Variants in ALK observed in about 807,000 individuals in gnomAD.
ALK encodes ALK receptor tyrosine kinase, also known as ALK tyrosine kinase receptor.
In ALK, 74 loss-of-function variants were observed where a neutral mutation model predicts 163.1. The observed-to-expected ratio is 0.45, with a 90% confidence interval of 0.38 to 0.55. The LOEUF (loss-of-function observed/expected upper bound fraction) is 0.55, where lower values mean the gene tolerates loss of function less well. ALK is among the 20% of genes least tolerant of loss of function. ALK has a pLI of 0.00. For missense variants in ALK, 2,063 were observed against 2,105.3 expected (o/e 0.98, Z 0.39); for synonymous variants, 960 against 843.2 (o/e 1.14, Z -2.40).
chr2:29,216,343 C>A (rs971703973), intron 23 of ALK, among the ~76,000 whole-genome samples: 1 of 151,794 alleles, frequency 6.6e-6, no homozygotes, highest in South Asian at 2.1e-4. Flanking sequence ...CTGGCCCTAG[C>A]TGTGCTAGGG....
chr2:29,377,223 A>T (rs1668773873), intron 5 of ALK, among the ~76,000 whole-genome samples: 1 of 152,184 alleles, frequency 6.6e-6, no homozygotes, highest in South Asian at 2.1e-4. Flanking sequence ...CACACCTGTA[A>T]TCCCAGCACT....
intron 1 of ALK, among the ~76,000 whole-genome samples, chr2:29,837,111 G>A (rs771451579): frequency 8.5e-5 from 13 of 152,150 alleles, no homozygotes; most frequent in Non-Finnish European, 1.6e-4. Flanking sequence ...TTAAACCACT[G>A]ATATTTTGAG....
intron 3 of ALK, among the ~76,000 whole-genome samples, chr2:29,620,152 G>A (rs1488814669): frequency 2.6e-5 from 4 of 152,178 alleles, no homozygotes; most frequent in African/African-American, 7.2e-5. Context: ...GCTACTGTAA[G>A]GAAATCCCAT....
At chr2:29,453,028 G>C (rs570832257) in intron 4 of ALK, among the ~76,000 whole-genome samples, 1 of 152,302 alleles carries the variant, frequency 6.6e-6, no homozygotes, top group South Asian at 2.1e-4. Context: ...ATTGGCTCCT[G>C]AACTGGAAAA....
At chr2:29,611,229 G>A (rs1299821600) in intron 3 of ALK, among the ~76,000 whole-genome samples, 1 of 152,148 alleles carries the variant, frequency 6.6e-6, no homozygotes, top group Non-Finnish European at 1.5e-5. Flanking sequence ...GGCATTATTT[G>A]GGTGGATGGT....
intron 1 of ALK, among the ~76,000 whole-genome samples, chr2:29,811,955 G>A (rs1300323613): frequency 2.0e-5 from 3 of 152,222 alleles, no homozygotes; most frequent in Non-Finnish European, 4.4e-5. Context: ...GAGGGTGCAA[G>A]GGGCAGGAAA....
intron 1 of ALK, among the ~76,000 whole-genome samples, chr2:29,882,630 G>A (rs1666894048): frequency 6.6e-6 from 1 of 152,186 alleles, no homozygotes; most frequent in Non-Finnish European, 1.5e-5. Context: ...GGAGGCGGAG[G>A]TTGCAGGGAG....
At chr2:29,217,145 TGTG>T (rs764567235) in intron 23 of ALK, among the ~76,000 whole-genome samples, 1 of 118,154 alleles carries the variant, frequency 8.5e-6, no homozygotes, top group South Asian at 2.4e-4. Context: ...TGTGTGTGTG[TGTG>T]TAGTGTATGT....
intron 4 of ALK, among the ~76,000 whole-genome samples, chr2:29,465,693 C>A (rs1038365607): frequency 1.1e-4 from 16 of 147,744 alleles, no homozygotes; most frequent in Non-Finnish European, 1.8e-4. Flanking sequence ...GGCTTCATTT[C>A]AAAAAAAAAC....
intron 11 of ALK, among the ~76,000 whole-genome samples, chr2:29,260,125 T>C (rs1665049247): frequency 6.6e-6 from 1 of 152,256 alleles, no homozygotes; most frequent in Non-Finnish European, 1.5e-5. Context: ...GTTTGTTGGC[T>C]TTTTGTTCCT....
At chr2:29,401,868 G>A (rs941246827) in intron 4 of ALK, among the ~76,000 whole-genome samples, 1 of 152,174 alleles carries the variant, frequency 6.6e-6, no homozygotes, top group African/African-American at 2.4e-5. Flanking sequence ...TTCAGAACTG[G>A]CCTATAAATC....
At chr2:29,581,387 C>CAAATAAAATA (rs59760217) in intron 3 of ALK, among the ~76,000 whole-genome samples, 42 of 151,734 alleles carry the variant, frequency 2.8e-4, no homozygotes, top group Admixed American at 2.3e-3. Context: ...GGATCCATCT[C>CAAATAAAATA]AAATAAAATA....
chr2:29,238,534 G>A (rs1197184170), intron 13 of ALK, among the ~76,000 whole-genome samples: 2 of 152,158 alleles, frequency 1.3e-5, no homozygotes, highest in Non-Finnish European at 1.5e-5. Flanking sequence ...TCATTATCTT[G>A]AGAATTGTGT....
chr2:29,353,249 A>G (rs1443460873), intron 5 of ALK, among the ~76,000 whole-genome samples: 1 of 152,142 alleles, frequency 6.6e-6, no homozygotes, highest in Non-Finnish European at 1.5e-5. Context: ...TTGTGGCCCC[A>G]TGTCCTCCAT....
At position 29,227,720 on chromosome 2, in the gene ALK, A is replaced by C; in HGVS notation, c.2816-48T>G. On this transcript the variant is annotated intron_variant, in intron 16 of 28. Coordinates refer to ENST00000389048, the MANE Select transcript of ALK (RefSeq NM_004304.5). The surrounding 1 kb of genome is among the most constrained non-coding windows in gnomAD (Gnocchi z 4.4). ...GTTTAACATGGGGGGTGGGTGCCAA[A>C]ATCTTAACACACACACACGTCAGTG... 1 of 1,446,832 alleles carries C rather than the reference A, an allele frequency of 6.9e-7. No homozygotes were observed. Among genetic ancestry groups the C allele is most frequent in the Non-Finnish European group, 9.7e-7 (1 of 1,028,948 alleles). The allele number at this position is 1,446,832 out of a possible 1,614,324, so 89.6% of individuals were successfully genotyped here.
At chr2:29,812,013 G>A (rs1482815380) in intron 1 of ALK, among the ~76,000 whole-genome samples, 2 of 152,184 alleles carry the variant, frequency 1.3e-5, no homozygotes, top group Non-Finnish European at 2.9e-5. Context: ...GTAAATCCCT[G>A]TTTTGAAAAG....
chr2:29,505,596 AG>A (rs141482407), intron 4 of ALK, among the ~76,000 whole-genome samples: 138 of 152,212 alleles, frequency 9.1e-4, no homozygotes, highest in African/African-American at 3.2e-3. Context: ...AGAGGTTGAA[AG>A]GACCCTGAAA....
At chr2:29,893,854 G>T (rs1667205779) in intron 1 of ALK, among the ~76,000 whole-genome samples, 1 of 152,138 alleles carries the variant, frequency 6.6e-6, no homozygotes, top group Admixed American at 6.5e-5. Flanking sequence ...TCCCAGTTCT[G>T]ACATTTACAA....
intron 3 of ALK, among the ~76,000 whole-genome samples, chr2:29,634,984 A>G (rs1181796409): frequency 6.6e-6 from 1 of 152,214 alleles, no homozygotes; most frequent in African/African-American, 2.4e-5. Flanking sequence ...GTATTTCTCT[A>G]TACTAGCAAT....
Sources: allele counts gnomAD v4.1 joint callset (sites outside exome capture counted in the v4.1 genomes callset), GRCh38; gene constraint gnomAD v4.1.1; non-coding constraint Gnocchi (gnomAD v3.1); transcripts MANE v1.5; gene names NCBI Gene and HGNC (gene_info 2026-07-23, HGNC 2026-07-21).